The following LRP1B variants were observed in gnomAD, a reference collection of about 807,000 sequenced individuals.
LRP1B encodes LDL receptor related protein 1B.
A neutral mutation model predicts 556.6 loss-of-function variants in LRP1B; 217 were observed. That is an observed-to-expected ratio of 0.39 (90% CI 0.35 to 0.44). The LOEUF is 0.44. Ranked by LOEUF, LRP1B falls within the 20% of genes least tolerant of loss-of-function variation. The probability of loss-of-function intolerance (pLI) is 1.00; values close to 1 mark genes in which losing one functional copy is unlikely to be tolerated. For synonymous variants in LRP1B, 2,047 were observed against 1,865.8 expected, an observed-to-expected ratio of 1.10 and a Z score of -2.50; for missense variants, 5,053 against 5,620.8, an observed-to-expected ratio of 0.90 and a Z score of 3.23.
intron 1 of LRP1B, among the ~76,000 whole-genome samples, chr2:141,819,258 A>AAC (rs1474691172): frequency 6.9e-6 from 1 of 145,536 alleles, no homozygotes; most frequent in East Asian, 2.0e-4. Flanking sequence ...CAAACAAACA[A>AAC]AAAAAAAAAC....
rs778029418 is a variant in LRP1B, at chr2:141,065,654, G to A, written c.1014-3381C>T. 7.6e-4 allele frequency among the ~76,000 whole-genome samples: 115 copies of A among 151,874 alleles called. 2 individuals carry two copies. The highest frequency in any genetic ancestry group is 1.1e-3 in the Admixed American group (16 of 15,232). On this transcript the variant is annotated intron_variant, in intron 7 of 90. Coordinates refer to ENST00000389484, the MANE Select transcript of LRP1B (RefSeq NM_018557.3). ...TTTTGAACTGAAATGCAATGATTTT[G>A]CACTTTATTGTTACCACCCCTAGGG...
chr2:141,987,945 T>C (rs1454140400), intron 1 of LRP1B, among the ~76,000 whole-genome samples: 1 of 151,920 alleles, frequency 6.6e-6, no homozygotes, highest in African/African-American at 2.4e-5. Context: ...ATAAGTGGCG[T>C]ATGCAAAGGA....
intron 21 of LRP1B, among the ~76,000 whole-genome samples, chr2:140,921,587 A>G (rs1462570754): frequency 1.3e-5 from 2 of 152,004 alleles, no homozygotes; most frequent in African/African-American, 4.8e-5. Flanking sequence ...TGTTCCAAAA[A>G]GACCATTTCT....
chr2:141,328,954 T>C lies in LRP1B; in HGVS notation c.344-74313A>G, dbSNP rs552376433. Among the ~76,000 whole-genome samples the C allele has an allele frequency of 3.3e-5, 5 of 152,330 alleles. No homozygotes were observed. The East Asian group carries it at 9.6e-4, about 29-fold the overall frequency. ...TAACTGGTGATCTTCTTTAAATGAC[T>C]ACCTTTTTGAGTTCTAGCTTCTTTA... On this transcript the variant is annotated intron_variant, in intron 3 of 90. Transcript: ENST00000389484.
chr2:141,085,485 C>T (rs1376402953), intron 7 of LRP1B, among the ~76,000 whole-genome samples: 1 of 152,094 alleles, frequency 6.6e-6, no homozygotes, highest in East Asian at 1.9e-4. Flanking sequence ...CACAGACAGG[C>T]ATCAGGAATG....
chr2:141,683,053 GA>G (rs575090140), intron 2 of LRP1B, among the ~76,000 whole-genome samples: 157 of 152,210 alleles, frequency 1.0e-3, no homozygotes, highest in Non-Finnish European at 2.0e-3. Flanking sequence ...TGAAAAGGAC[GA>G]GGTGAAATGT....
At chr2:141,253,344 T>G (rs968024400) in intron 4 of LRP1B, among the ~76,000 whole-genome samples, 5 of 152,194 alleles carry the variant, frequency 3.3e-5, no homozygotes, top group Admixed American at 2.6e-4. Flanking sequence ...CAAATAAATA[T>G]GAGAGTTTGG....
At chr2:140,807,321 G>GT (rs969758492) in intron 32 of LRP1B, among the ~76,000 whole-genome samples, 19 of 151,920 alleles carry the variant, frequency 1.3e-4, no homozygotes, top group African/African-American at 1.9e-4. Context: ...TAAAACAGAA[G>GT]TTTTTTTAAA....
In LRP1B at chr2:140,469,925, C is replaced by T. The variant is rs371133534; in HGVS notation, c.9625+5213G>A. 7.9e-5 allele frequency among the ~76,000 whole-genome samples: 12 copies of T among 152,168 alleles called. No individual in the cohort carries two copies. In the East Asian group the frequency reaches 1.4e-3, roughly 17 times the overall value. On this transcript the variant is annotated intron_variant, in intron 60 of 90. Coordinates refer to ENST00000389484, the MANE Select transcript of LRP1B (RefSeq NM_018557.3). ...TCCCTTGCTGGCAAATGGCTTTAACCGCACTTATTACATATATAGGTTGGT... is the reference window on the plus strand; with the variant it reads ...TCCCTTGCTGGCAAATGGCTTTAACTGCACTTATTACATATATAGGTTGGT...
chr2:141,423,690 G>A (rs546775385), intron 3 of LRP1B, among the ~76,000 whole-genome samples: 4 of 152,090 alleles, frequency 2.6e-5, no homozygotes, highest in African/African-American at 9.7e-5. Flanking sequence ...TGTGCCTGTA[G>A]TAGATTAAAA....
chr2:140,783,837 C>G (rs1389034060), intron 32 of LRP1B, among the ~76,000 whole-genome samples: 1 of 152,110 alleles, frequency 6.6e-6, no homozygotes, highest in African/African-American at 2.4e-5. Context: ...AAAGGATTAC[C>G]CCCCAGGACA....
chr2:141,001,444 A>G (rs1052927815), intron 15 of LRP1B, among the ~76,000 whole-genome samples: 2 of 151,992 alleles, frequency 1.3e-5, no homozygotes, highest in African/African-American at 2.4e-5. Context: ...TACATTAGGT[A>G]TATCTCCTAA....
intron 2 of LRP1B, among the ~76,000 whole-genome samples, chr2:141,563,645 A>G (rs1037330002): frequency 2.0e-5 from 3 of 152,044 alleles, no homozygotes; most frequent in African/African-American, 7.2e-5. Flanking sequence ...CTAAATTTAA[A>G]AAGTGTAAAA....
intron 1 of LRP1B, among the ~76,000 whole-genome samples, chr2:141,963,347 C>T (rs953141828): frequency 6.6e-6 from 1 of 151,856 alleles, no homozygotes; most frequent in African/African-American, 2.4e-5. Context: ...AACTGACCAT[C>T]TGTTTGTGCT....
At chr2:140,866,877 C>T (rs886116817) in intron 27 of LRP1B, among the ~76,000 whole-genome samples, 1 of 151,862 alleles carries the variant, frequency 6.6e-6, no homozygotes, top group African/African-American at 2.4e-5. Flanking sequence ...TTATTCCACA[C>T]TGAAAAAGAA....
chr2:140,358,202 C>A (rs2105136035), intron 73 of LRP1B, 86 bp from the exon 74 acceptor site: 1 of 1,255,610 alleles, frequency 8.0e-7, no homozygotes, highest in Non-Finnish European at 1.1e-6. Flanking sequence ...ATTTTACTAA[C>A]TACTATGAAA....
intron 7 of LRP1B, among the ~76,000 whole-genome samples, chr2:141,130,605 G>T (rs573887962): frequency 1.3e-5 from 2 of 152,016 alleles, no homozygotes; most frequent in Non-Finnish European, 2.9e-5. Flanking sequence ...AGTTGTACCC[G>T]TGTGAGATAA....
intron 1 of LRP1B, among the ~76,000 whole-genome samples, chr2:141,931,594 A>G (rs1700507680): frequency 6.6e-6 from 1 of 152,052 alleles, no homozygotes; most frequent in South Asian, 2.1e-4. Flanking sequence ...TAAATTTTCT[A>G]TGGCTAAAAA....
intron 27 of LRP1B, 143 bp downstream of exon 27, chr2:140,867,447 A>G: frequency 1.3e-6 from 1 of 784,208 alleles, no homozygotes. Flanking sequence ...GTTAAAATAA[A>G]GGTTGAAACC....
Sources: allele counts gnomAD v4.1 joint callset (sites outside exome capture counted in the v4.1 genomes callset), GRCh38; gene constraint gnomAD v4.1.1; transcripts MANE v1.5; gene names NCBI Gene and HGNC (gene_info 2026-07-23, HGNC 2026-07-21).